CEP97: variants seen among roughly 807,000 people sequenced by gnomAD.
The protein encoded by CEP97 is centrosomal protein 97, also known as centrosomal protein of 97 kDa.
CEP97 carries 43 observed loss-of-function variants against 73.1 expected under a neutral mutation model. That is an observed-to-expected ratio of 0.59 (90% CI 0.46 to 0.76). CEP97 has a LOEUF of 0.76. Among genes scored for constraint, CEP97 ranks in the 30% least tolerant of loss-of-function variants. The pLI, the probability that CEP97 is intolerant of heterozygous loss-of-function variation, is 0.00. For synonymous variants in CEP97, 337 were observed against 370.0 expected (o/e 0.91, Z 1.02); for missense variants, 939 against 1,014.0 (o/e 0.93, Z 1.00).
intron 6 of CEP97, among the ~76,000 whole-genome samples, chr3:101,735,934 T>C (rs1302644740): frequency 2.0e-5 from 3 of 152,150 alleles, no homozygotes; most frequent in Non-Finnish European, 4.4e-5. Context: ...CCCAGCAAGC[T>C]AAGATACACA....
Position 101,735,131 on chromosome 3 carries a change from A to C in CEP97, c.728+2477A>C, listed in dbSNP as rs183183264. ...TATAAGGATAGAGACTAAAGGTTGA[A>C]GAGTTTGTTGAAACTAAAGAGAGTG... On this transcript the variant is annotated intron_variant, in intron 6 of 10. Coordinates refer to ENST00000341893, the MANE Select transcript of CEP97 (RefSeq NM_024548.4). 3.5e-3 allele frequency among the ~76,000 whole-genome samples: 536 copies of C among 152,362 alleles called. 2 individuals are homozygous for C. Among genetic ancestry groups the C allele is most frequent in the African/African-American group, 0.012 (501 of 41,576 alleles).
intron 6 of CEP97, among the ~76,000 whole-genome samples, chr3:101,744,137 A>T (rs1938539954): frequency 6.6e-6 from 1 of 152,146 alleles, no homozygotes; most frequent in African/African-American, 2.4e-5. Context: ...AAATGTACAT[A>T]TATACTTTGT....
intron 8 of CEP97, among the ~76,000 whole-genome samples, 154 bp downstream of exon 8, chr3:101,757,350 A>G (rs112580461): frequency 1.3e-5 from 2 of 152,144 alleles, no homozygotes; most frequent in Admixed American, 6.5e-5. Context: ...GTATAAACAC[A>G]CCTATATATG....
intron 2 of CEP97, 67 bp downstream of exon 2, chr3:101,726,803 A>G (rs1284816132): frequency 2.4e-6 from 3 of 1,236,764 alleles, no homozygotes; most frequent in African/African-American, 3.1e-5. Context: ...CAATAAAATA[A>G]CCTGACAAAA....
At chr3:101,755,725 G>C (rs1439449820) in intron 7 of CEP97, 131 bp downstream of exon 7, 15 of 831,022 alleles carry the variant, frequency 1.8e-5, no homozygotes, top group Non-Finnish European at 2.9e-5. Context: ...CCTTGTCACT[G>C]CAACAGTTCC....
intron 6 of CEP97, among the ~76,000 whole-genome samples, chr3:101,733,721 G>A (rs1938186074): frequency 6.6e-6 from 1 of 151,820 alleles, no homozygotes; most frequent in African/African-American, 2.4e-5. Context: ...TAGTAGAGAC[G>A]GGGTTTCACC....
chr3:101,741,405 A>G (rs1191376498), intron 6 of CEP97, among the ~76,000 whole-genome samples: 1 of 152,260 alleles, frequency 6.6e-6, no homozygotes, highest in Non-Finnish European at 1.5e-5. Flanking sequence ...ACAAAAGCCA[A>G]AATTGACACA....
Position 101,731,943 on chromosome 3 carries a change from A to G in CEP97, c.551A>G (p.Asp184Gly). The change falls in exon 5 of 11, where the codon GAC becomes GGC. Residue 184 changes from aspartate (D) to glycine (G), a missense_variant. Physicochemically the swap from Asp to Gly is moderately conservative, Grantham distance 94. Transcript: ENST00000341893. Reference protein sequence around the residue: ...ILSLAENEIRDLNEISFLASL... With the variant: ...ILSLAENEIRGLNEISFLASL... ...TCTTTGGCAGAAAATGAAATCCGAG[A>G]CTTAAATGAGGTAAAATTTGAGGGT... The G allele has an allele frequency of 6.3e-7, 1 of 1,581,660 alleles. No individual in the cohort carries two copies. The highest frequency in any genetic ancestry group is 2.2e-5 in the East Asian group (1 of 44,696).
intron 6 of CEP97, among the ~76,000 whole-genome samples, chr3:101,754,914 A>C (rs1328243827): frequency 8.1e-6 from 1 of 123,798 alleles, no homozygotes; most frequent in South Asian, 2.6e-4. Context: ...TTTTTTTTTG[A>C]GGGGTGGACT....
intron 4 of CEP97, among the ~76,000 whole-genome samples, chr3:101,731,192 C>CTT (rs35988030): frequency 1.4e-4 from 17 of 123,250 alleles, no homozygotes; most frequent in South Asian, 2.6e-4. Flanking sequence ...GTTTTAATGA[C>CTT]TTTTTTTTTT....
In CEP97 at chr3:101,766,223, G is replaced by C. The variant is rs1939315027; in HGVS notation, c.*672G>C. On this transcript the variant is annotated 3_prime_UTR_variant, in exon 11 of 11. Coordinates refer to ENST00000341893, the MANE Select transcript of CEP97 (RefSeq NM_024548.4). The stretch of plus-strand genomic sequence containing the variant: ...ATATGAAGTAAAGTGTTCTATCCAG[G>C]ATTAAAGTCAAGTTTACTTAGGCAA... The C allele has an allele frequency of 6.6e-6, 1 of 152,134 alleles. No homozygotes were observed. Among genetic ancestry groups the C allele is most frequent in the Non-Finnish European group, 1.5e-5 (1 of 68,008 alleles). 9.4% of individuals were successfully genotyped at this position (152,134 alleles called of 1,614,324 possible).
chr3:101,735,334 G>A (rs2107141201), intron 6 of CEP97, among the ~76,000 whole-genome samples: 1 of 152,212 alleles, frequency 6.6e-6, no homozygotes, highest in Non-Finnish European at 1.5e-5. Context: ...GGGAAGAGTG[G>A]GCTCCCACTT....
intron 8 of CEP97, 128 bp from the exon 9 acceptor site, chr3:101,757,506 T>G: frequency 1.2e-6 from 1 of 831,004 alleles, no homozygotes; most frequent in Non-Finnish European, 1.8e-6. Flanking sequence ...GTTTTCGGCA[T>G]ATTGGAAGAA....
Position 101,767,250 on chromosome 3 carries a change from A to G in CEP97, c.*1699A>G, listed in dbSNP as rs1292839240. The stretch of plus-strand genomic sequence containing the variant: ...ATATTTTCTGTTTCTTATAAATAAA[A>G]GAGTAATCTTACTTTCAGAAGGATT... On this transcript the variant is annotated 3_prime_UTR_variant, in exon 11 of 11. Transcript: ENST00000341893. 6.6e-6 allele frequency: 1 copy of G among 152,246 alleles called. No individual in the cohort carries two copies. Among genetic ancestry groups the G allele is most frequent in the African/African-American group, 2.4e-5 (1 of 41,466 alleles). The allele number at this position is 152,246 out of a possible 1,614,324, so 9.4% of individuals were successfully genotyped here.
At position 101,741,282 on chromosome 3, in the gene CEP97, A is replaced by G. The variant is rs919271947; in HGVS notation, c.728+8628A>G. Among the ~76,000 whole-genome samples, 4 of 152,342 alleles carry G rather than the reference A, an allele frequency of 2.6e-5. No individual in the cohort carries two copies. The East Asian group carries it at 5.8e-4, about 22-fold the overall frequency. On this transcript the variant is annotated intron_variant, in intron 6 of 10. Transcript: ENST00000341893. ...AAAATTAACTCAAGATGGATTAAAG[A>G]CTTAAATGTAAGACCTAAAACTGTA... is the stretch of plus-strand genomic sequence containing the variant.
chr3:101,733,786 T>C (rs1314485381), intron 6 of CEP97, among the ~76,000 whole-genome samples: 1 of 152,118 alleles, frequency 6.6e-6, no homozygotes, highest in Non-Finnish European at 1.5e-5. Context: ...CGCCTCGGCC[T>C]CCCAAAGTGC....
chr3:101,737,008 G>A (rs780570171), intron 6 of CEP97, among the ~76,000 whole-genome samples: 1 of 152,172 alleles, frequency 6.6e-6, no homozygotes, highest in Non-Finnish European at 1.5e-5. Flanking sequence ...TGACCTGATG[G>A]AGCTGCAAAA....
At position 101,731,922 on chromosome 3, in the gene CEP97, T is replaced by A. The variant is rs1327916528; in HGVS notation, c.530T>A (p.Leu177Ter). ...CCCAGAAGTCTTGCTATACTTTCTT[T>A]GGCAGAAAATGAAATCCGAGACTTA... ...YLPRSLAILS[L>*]AENEIRDLNE... Residue 177 changes from leucine (L) to a stop codon, truncating the protein, a stop_gained, in exon 5 of 11, where the codon TTG becomes TAG. Transcript: ENST00000341893. LOFTEE classifies it high-confidence loss of function. 1 of 1,606,834 alleles carries A rather than the reference T, an allele frequency of 6.2e-7. No individual in the cohort carries two copies. Among genetic ancestry groups the A allele is most frequent in the Admixed American group, 1.7e-5 (1 of 59,946 alleles).
At chr3:101,734,193 A>G (rs1467548969) in intron 6 of CEP97, among the ~76,000 whole-genome samples, 2 of 152,158 alleles carry the variant, frequency 1.3e-5, no homozygotes, top group African/African-American at 4.8e-5. Flanking sequence ...AATCATTAAT[A>G]GTTTCTGTGG....
Sources: allele counts gnomAD v4.1 joint callset (sites outside exome capture counted in the v4.1 genomes callset), GRCh38; gene constraint gnomAD v4.1.1; transcripts MANE v1.5; gene names NCBI Gene and HGNC (gene_info 2026-07-23, HGNC 2026-07-21).